SLCO4C1: variants seen among roughly 807,000 people sequenced by gnomAD.
SLCO4C1 encodes solute carrier organic anion transporter family member 4C1.
In SLCO4C1, 58 loss-of-function variants were observed where a neutral mutation model predicts 72.1. That is an observed-to-expected ratio of 0.80 (90% CI 0.65 to 1.00). SLCO4C1 has a LOEUF of 1.00. Among genes scored for constraint, SLCO4C1 ranks in the 50% least tolerant of loss-of-function variants. The pLI is 0.00. For synonymous variants in SLCO4C1, 297 were observed against 312.5 expected (o/e 0.95, Z 0.52); for missense variants, 898 against 857.9 (o/e 1.05, Z -0.58).
chr5:102,258,333 T>C (rs926634972), intron 6 of SLCO4C1, among the ~76,000 whole-genome samples: 1 of 152,216 alleles, frequency 6.6e-6, no homozygotes, highest in African/African-American at 2.4e-5. Context: ...ATGCATTTAT[T>C]GCATTCCAAG....
chr5:102,275,494 C>T (rs1210929081), intron 2 of SLCO4C1, among the ~76,000 whole-genome samples: 3 of 152,118 alleles, frequency 2.0e-5, no homozygotes, highest in African/African-American at 4.8e-5. Flanking sequence ...CTATAGGTCA[C>T]CCTGCATAAT....
At chr5:102,270,516 C>T in intron 3 of SLCO4C1, 108 bp downstream of exon 3, 1 of 843,552 alleles carries the variant, frequency 1.2e-6, no homozygotes, top group Non-Finnish European at 1.7e-6. Flanking sequence ...TTGGGAAAAC[C>T]TATGGCATTA....
chr5:102,237,265 C>T (rs1561363135), intron 12 of SLCO4C1, among the ~76,000 whole-genome samples: 1 of 152,040 alleles, frequency 6.6e-6, no homozygotes, highest in Non-Finnish European at 1.5e-5. Context: ...CTTGGTTATG[C>T]TTGTGCATTC....
In SLCO4C1 at chr5:102,263,685, T is replaced by C; in HGVS notation, c.898A>G (p.Ser300Gly). The change falls in exon 4 of 13, where the codon AGC (serine) becomes GGC (glycine). Residue 300 changes from serine (S) to glycine (G), a missense_variant and splice_region_variant. Coordinates refer to ENST00000310954, the MANE Select transcript of SLCO4C1 (RefSeq NM_180991.5). The stretch of plus-strand genomic sequence containing the variant: ...AAAGAAAAATAGATACTGCCTTGCC[T>C]TTCTCCCATAGCAACATCAATGTAT... Reference protein sequence around the residue: ...TIYIDVAMGESTDVTEDDPRW... With the variant: ...TIYIDVAMGEGTDVTEDDPRW... The C allele has an allele frequency of 1.9e-6, 3 of 1,609,638 alleles. No homozygotes were observed. The highest frequency in any genetic ancestry group is 2.5e-6 in the Non-Finnish European group (3 of 1,177,762).
chr5:102,260,393 A>T (rs115266655), intron 5 of SLCO4C1, 74 bp from the exon 6 acceptor site: 5 of 284,654 alleles, frequency 1.8e-5, no homozygotes, highest in Non-Finnish European at 2.4e-5. Context: ...AATATATATA[A>T]TATATAATAA....
intron 12 of SLCO4C1, among the ~76,000 whole-genome samples, chr5:102,238,030 T>C (rs556504208): frequency 2.0e-5 from 3 of 152,336 alleles, no homozygotes; most frequent in African/African-American, 7.2e-5. Flanking sequence ...TTTCTTTTTG[T>C]TGATTATTAA....
chr5:102,266,957 C>T (rs984006237), intron 3 of SLCO4C1, among the ~76,000 whole-genome samples: 6 of 152,078 alleles, frequency 3.9e-5, no homozygotes, highest in African/African-American at 1.4e-4. Context: ...CAAACTAATT[C>T]TTGCATCACT....
intron 2 of SLCO4C1, among the ~76,000 whole-genome samples, chr5:102,289,316 T>G (rs1367400196): frequency 1.3e-5 from 2 of 152,214 alleles, no homozygotes; most frequent in African/African-American, 2.4e-5. Context: ...AAATAAGTTC[T>G]TCACAATGGC....
intron 2 of SLCO4C1, among the ~76,000 whole-genome samples, chr5:102,274,957 C>T (rs537908219): frequency 5.3e-5 from 8 of 152,090 alleles, no homozygotes; most frequent in African/African-American, 1.9e-4. Context: ...TCTGGTACCA[C>T]ATCTCTGGTT....
chr5:102,291,416 A>G lies in SLCO4C1; in HGVS notation c.546T>C (p.Ile182=), dbSNP rs750964876. ...PRWLAFAAFM[I]GLGALVFSLP... ...ATGAGAATACAAGTGCTCCCAGTCCAATCATAAAGGCTGCAAATGCAAGCC... is the reference window on the plus strand; with the variant it reads ...ATGAGAATACAAGTGCTCCCAGTCCGATCATAAAGGCTGCAAATGCAAGCC... Residue 182 remains isoleucine, a synonymous_variant, in exon 2 of 13, where the codon ATT becomes ATC. Transcript: ENST00000310954. The G allele has an allele frequency of 6.8e-6, 11 of 1,614,060 alleles. No homozygotes were observed. In the East Asian group the frequency reaches 1.1e-4, roughly 16 times the overall value.
chr5:102,275,504 T>C (rs1050845861), intron 2 of SLCO4C1, among the ~76,000 whole-genome samples: 2 of 152,160 alleles, frequency 1.3e-5, no homozygotes, highest in South Asian at 2.1e-4. Context: ...CCCTGCATAA[T>C]TGGAGGCCAG....
In SLCO4C1 at chr5:102,295,999, G is replaced by C; in HGVS notation, c.264C>G (p.Tyr88Ter). 2 of 1,614,202 alleles carry C rather than the reference G, an allele frequency of 1.2e-6. No homozygotes were observed. Among genetic ancestry groups the C allele is most frequent in the Admixed American group, 1.7e-5 (1 of 60,022 alleles). Residue 88 changes from tyrosine to a stop codon, truncating the protein, a stop_gained, in exon 1 of 13, where the codon TAC (tyrosine) becomes TAG (stop). Transcript: ENST00000310954. LOFTEE classifies it high-confidence loss of function. ...ATTGAGGATGGAAGTTCCTCCAGCCGTAAGACCCCTCCTCAAACTCGGACA... is the reference window on the plus strand; with the variant it reads ...ATTGAGGATGGAAGTTCCTCCAGCCCTAAGACCCCTCCTCAAACTCGGACA... ...LSLSEFEEGS[Y>*]GWRNFHPQCL...
chr5:102,237,727 A>C (rs1051171586), intron 12 of SLCO4C1, among the ~76,000 whole-genome samples: 3 of 152,228 alleles, frequency 2.0e-5, no homozygotes, highest in African/African-American at 7.2e-5. Flanking sequence ...GAATAAATTG[A>C]AGAACATTCC....
intron 2 of SLCO4C1, among the ~76,000 whole-genome samples, chr5:102,281,382 C>T (rs1339121409): frequency 6.6e-6 from 1 of 151,916 alleles, no homozygotes; most frequent in Non-Finnish European, 1.5e-5. Flanking sequence ...CAGAGCTAGG[C>T]AAAGGGTTTT....
intron 1 of SLCO4C1, among the ~76,000 whole-genome samples, chr5:102,291,831 A>T (rs1292527771): frequency 2.7e-5 from 4 of 150,302 alleles, no homozygotes; most frequent in Non-Finnish European, 5.9e-5. Context: ...TTATTTATTT[A>T]TTTTTTTGAG....
chr5:102,269,867 A>G (rs1749117145), intron 3 of SLCO4C1, among the ~76,000 whole-genome samples: 1 of 151,896 alleles, frequency 6.6e-6, no homozygotes, highest in Non-Finnish European at 1.5e-5. Flanking sequence ...ACATATTCCT[A>G]TAGATATATC....
intron 10 of SLCO4C1, among the ~76,000 whole-genome samples, chr5:102,244,515 GAT>G (rs1259710817): frequency 1.4e-4 from 22 of 152,180 alleles, no homozygotes; most frequent in African/African-American, 4.8e-4. Context: ...CCTAGAGAAA[GAT>G]ATCAATATCC....
At chr5:102,295,754 G>A (rs540957391) in intron 1 of SLCO4C1, among the ~76,000 whole-genome samples, 154 bp downstream of exon 1, 1 of 152,376 alleles carries the variant, frequency 6.6e-6, no homozygotes, top group East Asian at 1.9e-4. Flanking sequence ...GGTTGACCTT[G>A]GTGAGAGCGC....
intron 8 of SLCO4C1, among the ~76,000 whole-genome samples, chr5:102,252,491 A>G (rs10067049): frequency 0.12 from 17,659 of 152,136 alleles, 1,212 homozygotes; most frequent in African/African-American, 0.15. Context: ...GATCACATTC[A>G]CAAAAGCCAT....
Sources: gnomAD v4.1 joint callset for allele counts (sites outside exome capture counted in the v4.1 genomes callset) on GRCh38, gnomAD v4.1.1 for gene constraint, MANE v1.5 for transcripts, NCBI Gene and HGNC (gene_info 2026-07-23, HGNC 2026-07-21) for gene names.